Variants in DCAF17 observed in about 807,000 individuals in gnomAD.
DCAF17 encodes DDB1 and CUL4 associated factor 17.
In DCAF17, 48 loss-of-function variants were observed where a neutral mutation model predicts 66.0. The observed-to-expected ratio is 0.73, with a 90% CI of 0.58 to 0.92. The LOEUF (loss-of-function observed/expected upper bound fraction) is 0.92. Ranked by LOEUF, DCAF17 falls within the 40% of genes least tolerant of loss-of-function variation. DCAF17 has a pLI of 0.00. For synonymous variants in DCAF17, 206 were observed against 214.6 expected (o/e 0.96, Z 0.35); for missense variants, 562 against 622.8 (o/e 0.90, Z 1.04).
intron 10 of DCAF17, among the ~76,000 whole-genome samples, chr2:171,474,781 C>A (rs1696420722): frequency 6.6e-6 from 1 of 152,180 alleles, no homozygotes; most frequent in Non-Finnish European, 1.5e-5. Context: ...ACCATATATC[C>A]TCTTAATCCA....
At chr2:171,448,641 C>T (rs751056490) in intron 3 of DCAF17, 40 bp from the exon 4 acceptor site, 3 of 1,515,658 alleles carry the variant, frequency 2.0e-6, no homozygotes, top group Non-Finnish European at 2.7e-6. Context: ...TTGTTCATGG[C>T]CAAGCAGTTT....
rs1696843507 is a variant in DCAF17 at position 171,483,834 on chromosome 2, A to ACAACTAGTCAGTG, written c.*2723_*2735dup. On this transcript the variant is annotated 3_prime_UTR_variant, in exon 14 of 14. Transcript: ENST00000375255. ...CAGAAGTTAATTGGCCCAGGGTCCCACAACTAGTCAGTGCAGAGGTGGGAA... is the reference window on the plus strand; with the variant it reads ...CAGAAGTTAATTGGCCCAGGGTCCCACAACTAGTCAGTGCAACTAGTCAGTGCAGAGGTGGGAA... The ACAACTAGTCAGTG allele has an allele frequency of 2.2e-6, 1 of 453,952 alleles. No homozygotes were observed. The highest frequency in any genetic ancestry group is 2.0e-5 in the African/African-American group (1 of 49,992). 28.1% of individuals were successfully genotyped at this position (453,952 alleles called of 1,614,324 possible).
At chr2:171,434,893 T>C (rs1693744550) in intron 1 of DCAF17, 190 bp downstream of exon 1, 10 of 1,063,610 alleles carry the variant, frequency 9.4e-6, no homozygotes, top group East Asian at 2.6e-5. Flanking sequence ...TTTACGCTTC[T>C]TATGTCTTAC....
At chr2:171,473,061 C>T (rs1696333510) in intron 9 of DCAF17, 1 of 173,448 alleles carries the variant, frequency 5.8e-6, no homozygotes, top group Admixed American at 6.3e-5. Context: ...AAAAGCTAAG[C>T]AGTATTAGAT....
rs1177438598 is a variant in DCAF17, at chr2:171,449,875, A to G, written c.459-4A>G. Reference sequence around the variant, plus strand: ...AAATAAACTTCTCTTCATTCTTTTAAAAGATACTTGAGCTGGGACACTCCT... The same window carrying G: ...AAATAAACTTCTCTTCATTCTTTTAGAAGATACTTGAGCTGGGACACTCCT... On this transcript the variant is annotated splice_polypyrimidine_tract_variant and splice_region_variant and intron_variant, in intron 4 of 13. Transcript: ENST00000375255. 5 of 1,612,166 alleles carry G rather than the reference A, an allele frequency of 3.1e-6. No individual in the cohort carries two copies. The highest frequency in any genetic ancestry group is 4.2e-6 in the Non-Finnish European group (5 of 1,178,786).
rs772824611 is a variant in DCAF17 at position 171,458,040 on chromosome 2, G to A, written c.697G>A (p.Val233Ile). 3.1e-6 allele frequency: 5 copies of A among 1,613,904 alleles called. No individual in the cohort carries two copies. The Admixed American group carries it at 8.3e-5, about 27-fold the overall frequency. ...GATTGTGATGTACAGCTCAGGACTGGTCAGACTCTATAGCTTCCAAACCAT... is the reference window on the plus strand; with the variant it reads ...GATTGTGATGTACAGCTCAGGACTGATCAGACTCTATAGCTTCCAAACCAT... ...ILIVMYSSGL[V>I]RLYSFQTIAE... The change falls in exon 7 of 14, where the codon GTC becomes ATC. Residue 233 changes from valine to isoleucine, a missense_variant. Physicochemically the swap from Val to Ile is conservative, Grantham distance 29. Coordinates refer to ENST00000375255, the MANE Select transcript of DCAF17 (RefSeq NM_025000.4).
At chr2:171,470,471 C>A (rs55716501) in intron 9 of DCAF17, among the ~76,000 whole-genome samples, 2,702 of 152,270 alleles carry the variant, frequency 0.018, 39 homozygotes, top group Non-Finnish European at 0.026. Context: ...ATGTCATGGC[C>A]ATCAGGGGAC....
rs1696675171 is a variant in DCAF17, at chr2:171,480,143, G to A, written c.1372G>A (p.Glu458Lys). The change falls in exon 13 of 14, where the codon GAA becomes AAA. Residue 458 changes from glutamate to lysine, a missense_variant. Coordinates refer to ENST00000375255, the MANE Select transcript of DCAF17 (RefSeq NM_025000.4). ...GKAHLDFHCN[E>K]YGTLLKSIPL... is the part of the protein sequence containing the mutation. ...AGCTCACCTGGATTTCCACTGTAAT[G>A]AATATGGAACTTTACTTAAAAGCAT... 6.2e-7 allele frequency: 1 copy of A among 1,613,666 alleles called. No individual in the cohort carries two copies. The highest frequency in any genetic ancestry group is 1.7e-5 in the Admixed American group (1 of 59,958).
chr2:171,472,457 G>A (rs530469431), intron 9 of DCAF17, among the ~76,000 whole-genome samples: 5 of 152,204 alleles, frequency 3.3e-5, no homozygotes, highest in Non-Finnish European at 5.9e-5. Context: ...AGGATTACAG[G>A]CGTAAGCCAC....
At chr2:171,477,088 T>C in intron 11 of DCAF17, 138 bp downstream of exon 11, 1 of 678,278 alleles carries the variant, frequency 1.5e-6, no homozygotes, top group Non-Finnish European at 2.6e-6. Flanking sequence ...TTTGTCTACA[T>C]GGGTAGCCAG....
intron 4 of DCAF17, among the ~76,000 whole-genome samples, chr2:171,449,208 A>C (rs541803582): frequency 6.6e-6 from 1 of 152,052 alleles, no homozygotes; most frequent in African/African-American, 2.4e-5. Flanking sequence ...AGGTTTCCCT[A>C]TGTTGGCCAG....
At chr2:171,450,581 T>A (rs1694891807) in intron 5 of DCAF17, among the ~76,000 whole-genome samples, 1 of 152,204 alleles carries the variant, frequency 6.6e-6, no homozygotes, top group Non-Finnish European at 1.5e-5. Context: ...AAAGCATTTA[T>A]TGAGCACTTA....
At position 171,441,987 on chromosome 2, in the gene DCAF17, T is replaced by C. The variant is rs181987214; in HGVS notation, c.231-1536T>C. ...GCAACAATTCTTCAGGATCATTTAA[T>C]GTCAAGTTTATAACTTCCTGCTTTA... is the stretch of plus-strand genomic sequence containing the variant. On this transcript the variant is annotated intron_variant, in intron 2 of 13. Transcript: ENST00000375255. Among the ~76,000 whole-genome samples, 70 of 152,280 alleles carry C rather than the reference T, an allele frequency of 4.6e-4. 1 individual carries two copies. In the East Asian group the frequency reaches 0.012, roughly 25 times the overall value.
In DCAF17 at chr2:171,482,848, A is replaced by G; in HGVS notation, c.*1734A>G. 1 of 454,066 alleles carries G rather than the reference A, an allele frequency of 2.2e-6. No individual in the cohort carries two copies. Among genetic ancestry groups the G allele is most frequent in the Non-Finnish European group, 4.4e-6 (1 of 226,774 alleles). 28.1% of individuals were successfully genotyped at this position (454,066 alleles called of 1,614,324 possible). Reference sequence around the variant, plus strand: ...ACTTCTGGTCTAGATATAACTTACCACTAAGAAACCCCCAGTATGTCACCA... The same window carrying G: ...ACTTCTGGTCTAGATATAACTTACCGCTAAGAAACCCCCAGTATGTCACCA... On this transcript the variant is annotated 3_prime_UTR_variant, in exon 14 of 14. Transcript: ENST00000375255.
At chr2:171,461,510 A>G (rs1052620115) in intron 8 of DCAF17, among the ~76,000 whole-genome samples, 6 of 152,230 alleles carry the variant, frequency 3.9e-5, no homozygotes, top group Non-Finnish European at 8.8e-5. Flanking sequence ...GTAAAACATT[A>G]TAGTCCTCTT....
intron 2 of DCAF17, among the ~76,000 whole-genome samples, chr2:171,435,393 TAAAGC>T (rs1213030782): frequency 6.6e-6 from 1 of 152,198 alleles, no homozygotes; most frequent in Non-Finnish European, 1.5e-5. Context: ...AATACCAACT[TAAAGC>T]AAAACTACAG....
intron 8 of DCAF17, among the ~76,000 whole-genome samples, chr2:171,462,997 G>A (rs780089738): frequency 3.9e-5 from 6 of 152,060 alleles, no homozygotes; most frequent in Admixed American, 6.6e-5. Flanking sequence ...TTTGGGAAGC[G>A]AGGCAAGTGG....
chr2:171,459,204 A>G (rs1401630081), intron 8 of DCAF17, among the ~76,000 whole-genome samples: 1 of 152,068 alleles, frequency 6.6e-6, no homozygotes, highest in African/African-American at 2.4e-5. Context: ...CCTACTCGCA[A>G]GGGAGGCTGA....
At chr2:171,442,981 A>G (rs1012590141) in intron 2 of DCAF17, among the ~76,000 whole-genome samples, 18 of 152,154 alleles carry the variant, frequency 1.2e-4, no homozygotes, top group African/African-American at 3.1e-4. Context: ...ATAGCATTCA[A>G]TATTGGCAGA....
Sources: allele counts gnomAD v4.1 joint callset (sites outside exome capture counted in the v4.1 genomes callset), GRCh38; gene constraint gnomAD v4.1.1; transcripts MANE v1.5; gene names NCBI Gene and HGNC (gene_info 2026-07-23, HGNC 2026-07-21).